THADA: variants seen among roughly 807,000 people sequenced by gnomAD.
THADA encodes tRNA (32-2'-O)-methyltransferase regulator THADA.
Under a neutral mutation model 219.8 loss-of-function variants are expected in THADA, and 213 were observed. That is an observed-to-expected ratio of 0.97 (90% confidence interval 0.87 to 1.09). The LOEUF (loss-of-function observed/expected upper bound fraction) is 1.09, where lower values mean the gene tolerates loss of function less well. Ranked by LOEUF, THADA falls within the 50% of genes least tolerant of loss-of-function variation. THADA has a pLI of 0.00. For synonymous variants in THADA, 1,018 were observed against 828.9 expected, an observed-to-expected ratio of 1.23 and a Z score of -3.92; for missense variants, 2,956 against 2,311.3, an observed-to-expected ratio of 1.28 and a Z score of -5.72.
At position 43,320,476 on chromosome 2, in the gene THADA, G is replaced by A; in HGVS notation, c.4408C>T (p.Leu1470Phe). ...IDILFLLTCCLNRSAKDNQPV... is the reference protein window; with the variant it reads ...IDILFLLTCCFNRSAKDNQPV... ...TGGTTGTCCTTTGCAGATCTGTTGAGGCAGCAAGTCAATAGGAAGAGAATA... is the reference window on the plus strand; with the variant it reads ...TGGTTGTCCTTTGCAGATCTGTTGAAGCAGCAAGTCAATAGGAAGAGAATA... Residue 1470 changes from leucine (L) to phenylalanine (F), a missense_variant, in exon 31 of 38, where the codon CTC becomes TTC. By Grantham distance (22) the Leu-to-Phe change is conservative (BLOSUM62 0). Coordinates refer to ENST00000405975, the MANE Select transcript of THADA (RefSeq NM_022065.5). 6.2e-7 allele frequency: 1 copy of A among 1,613,458 alleles called. No individual in the cohort carries two copies. The highest frequency in any genetic ancestry group is 8.5e-7 in the Non-Finnish European group (1 of 1,179,676).
At chr2:43,526,009 A>G (rs1693121996) in intron 22 of THADA, among the ~76,000 whole-genome samples, 1 of 152,206 alleles carries the variant, frequency 6.6e-6, no homozygotes, top group Admixed American at 6.5e-5. Context: ...CAACCCCACA[A>G]CCAACATCAA....
intron 29 of THADA, among the ~76,000 whole-genome samples, chr2:43,386,063 T>C (rs1233292210): frequency 6.6e-6 from 1 of 152,118 alleles, no homozygotes; most frequent in Non-Finnish European, 1.5e-5. Flanking sequence ...GTAAAACATC[T>C]GATATCTGAT....
At chr2:43,449,560 A>G (rs561406593) in intron 26 of THADA, among the ~76,000 whole-genome samples, 15 of 152,296 alleles carry the variant, frequency 9.8e-5, no homozygotes, top group African/African-American at 2.6e-4. Context: ...TAAGCTTGAA[A>G]GCAGAAAGAG....
At chr2:43,387,773 C>T (rs1420612361) in intron 29 of THADA, among the ~76,000 whole-genome samples, 1 of 152,134 alleles carries the variant, frequency 6.6e-6, no homozygotes, top group Non-Finnish European at 1.5e-5. Flanking sequence ...AACGCACACA[C>T]CCACAACAAA....
intron 36 of THADA, among the ~76,000 whole-genome samples, chr2:43,245,565 C>A (rs902641477): frequency 6.6e-6 from 1 of 152,186 alleles, no homozygotes; most frequent in Non-Finnish European, 1.5e-5. Flanking sequence ...TTCACTGGCC[C>A]TCATTGTCAC....
intron 36 of THADA, among the ~76,000 whole-genome samples, chr2:43,239,985 G>C (rs1272198956): frequency 1.3e-5 from 2 of 152,260 alleles, no homozygotes; most frequent in East Asian, 1.9e-4. Flanking sequence ...CTAAGAGAGA[G>C]AAGAGTTGCC....
At chr2:43,546,821 A>G (rs1462120723) in intron 20 of THADA, among the ~76,000 whole-genome samples, 10 of 152,204 alleles carry the variant, frequency 6.6e-5, no homozygotes, top group African/African-American at 2.2e-4. Flanking sequence ...TGACTCTTTT[A>G]TCCAATTTGC....
At chr2:43,276,661 C>A (rs1029664915) in intron 36 of THADA, among the ~76,000 whole-genome samples, 1 of 152,126 alleles carries the variant, frequency 6.6e-6, no homozygotes, top group African/African-American at 2.4e-5. Context: ...AGGACAGAAC[C>A]CAGACAGTTT....
chr2:43,346,494 A>G (rs1667643946), intron 29 of THADA, among the ~76,000 whole-genome samples: 1 of 152,134 alleles, frequency 6.6e-6, no homozygotes, highest in African/African-American at 2.4e-5. Context: ...TCACTTTCCT[A>G]AAGTTCTGGT....
At chr2:43,546,659 T>G (rs1346523045) in intron 20 of THADA, among the ~76,000 whole-genome samples, 1 of 152,142 alleles carries the variant, frequency 6.6e-6, no homozygotes, top group Non-Finnish European at 1.5e-5. Context: ...TTTGTTGGTT[T>G]AAAGTCTGTT....
chr2:43,441,945 A>T (rs1182340928), intron 26 of THADA, among the ~76,000 whole-genome samples: 5 of 152,194 alleles, frequency 3.3e-5, no homozygotes, highest in African/African-American at 1.2e-4. Context: ...CCTATGGGAG[A>T]TACTAAGAGT....
chr2:43,334,676 C>G (rs6544644), intron 30 of THADA, among the ~76,000 whole-genome samples: 106,932 of 151,628 alleles, frequency 0.71, 38,631 homozygotes, highest in African/African-American at 0.8. Flanking sequence ...TCGGGAGGCT[C>G]AGGCAGGAGA....
chr2:43,285,833 G>C (rs1483739263), intron 35 of THADA, among the ~76,000 whole-genome samples: 1 of 152,160 alleles, frequency 6.6e-6, no homozygotes, highest in Non-Finnish European at 1.5e-5. Context: ...TTACAGACGT[G>C]AGCCACTGTG....
intron 36 of THADA, among the ~76,000 whole-genome samples, chr2:43,276,347 T>C (rs1456367657): frequency 6.6e-6 from 1 of 152,094 alleles, no homozygotes; most frequent in Non-Finnish European, 1.5e-5. Flanking sequence ...CATGCTTCCC[T>C]GTGTGGGCTG....
At chr2:43,471,025 A>G (rs1558813157) in intron 26 of THADA, among the ~76,000 whole-genome samples, 1 of 152,208 alleles carries the variant, frequency 6.6e-6, no homozygotes, top group Non-Finnish European at 1.5e-5. Context: ...AAAGAGTTGG[A>G]GTCTATAGGC....
intron 31 of THADA, among the ~76,000 whole-genome samples, chr2:43,317,362 A>T (rs1407505038): frequency 1.3e-5 from 2 of 152,264 alleles, no homozygotes; most frequent in East Asian, 3.8e-4. Context: ...TTCATCAAAC[A>T]GTTAATAAAT....
At chr2:43,317,993 G>GT (rs1307995945) in intron 31 of THADA, among the ~76,000 whole-genome samples, 17 of 152,072 alleles carry the variant, frequency 1.1e-4, no homozygotes, top group Non-Finnish European at 2.5e-4. Flanking sequence ...TTCAATGACA[G>GT]TTTTACTTTG....
At chr2:43,504,012 T>C (rs1298678911) in intron 24 of THADA, among the ~76,000 whole-genome samples, 1 of 152,124 alleles carries the variant, frequency 6.6e-6, no homozygotes, top group African/African-American at 2.4e-5. Context: ...TTGGAGCATT[T>C]TAGATTTTCA....
chr2:43,447,697 T>A (rs1681753267), intron 26 of THADA, among the ~76,000 whole-genome samples: 1 of 152,156 alleles, frequency 6.6e-6, no homozygotes, highest in Non-Finnish European at 1.5e-5. Context: ...CCAGGAACTG[T>A]CTCACAAGCC....
Sources: gnomAD v4.1 joint callset for allele counts (sites outside exome capture counted in the v4.1 genomes callset) on GRCh38, gnomAD v4.1.1 for gene constraint, MANE v1.5 for transcripts, NCBI Gene and HGNC (gene_info 2026-07-23, HGNC 2026-07-21) for gene names.